TTC34: variants seen among roughly 807,000 people sequenced by gnomAD.
The protein encoded by TTC34 is tetratricopeptide repeat domain 34.
In TTC34, 44 loss-of-function variants were observed where a neutral mutation model predicts 40.7. The ratio of observed to expected loss-of-function variants is 1.08; its 90% CI spans 0.85 to 1.39. TTC34 has a LOEUF of 1.39. TTC34 is among the 40% of genes most tolerant of loss of function. The pLI is 0.00. For missense variants in TTC34, 884 were observed against 838.0 expected, an observed-to-expected ratio of 1.05 and a Z score of -0.68; for synonymous variants, 422 against 398.6, an observed-to-expected ratio of 1.06 and a Z score of -0.70.
At chr1:2,677,943 G>C (rs1450259709) in intron 6 of TTC34, among the ~76,000 whole-genome samples, 2 of 41,868 alleles carry the variant, frequency 4.8e-5, no homozygotes, top group Admixed American at 2.8e-4. Context: ...CCCCAGGTGA[G>C]CATCCGACAG....
chr1:2,682,089 C>A (rs1426247535), intron 6 of TTC34, among the ~76,000 whole-genome samples: 4 of 134,544 alleles, frequency 3.0e-5, no homozygotes, highest in African/African-American at 8.6e-5. Context: ...ATCTGACAGC[C>A]TGGAGCAGCA....
chr1:2,794,855 T>A (rs1352466244), intron 2 of TTC34, among the ~76,000 whole-genome samples: 1 of 152,234 alleles, frequency 6.6e-6, no homozygotes, highest in Non-Finnish European at 1.5e-5. Context: ...GATAATATGT[T>A]CTTTATTCCA....
rs372202070 is a variant in TTC34 at position 2,696,374 on chromosome 1, G to C, written c.2227-50811C>G. Among the ~76,000 whole-genome samples the C allele has an allele frequency of 6.2e-3, 808 of 129,812 alleles. 68 individuals are homozygous for C. The highest frequency in any genetic ancestry group is 0.012 in the Middle Eastern group (3 of 252). The allele number at this position is 129,812 out of a possible 152,430, so 85.2% of individuals were successfully genotyped here. ...CACCCACACCCCCAGGCGAGGATCGGACAGCCTGGAGCAGCACCCTACACC... is the reference window on the plus strand; with the variant it reads ...CACCCACACCCCCAGGCGAGGATCGCACAGCCTGGAGCAGCACCCTACACC... On this transcript the variant is annotated intron_variant, in intron 6 of 8. Coordinates refer to ENST00000401095, the Ensembl canonical transcript of TTC34.
At chr1:2,646,535 C>G in intron 6 of TTC34, among the ~76,000 whole-genome samples, 1 of 152,148 alleles carries the variant, frequency 6.6e-6, no homozygotes, top group East Asian at 1.9e-4. Flanking sequence ...CAGGCACATG[C>G]CACCACACCC....
chr1:2,759,283 GCGAGCATC>G (rs1641611428), intron 6 of TTC34, among the ~76,000 whole-genome samples: 1 of 128,078 alleles, frequency 7.8e-6, no homozygotes. Context: ...ACACCCCCAG[GCGAGCATC>G]TGACGTCCTG....
At chr1:2,698,300 GT>G (rs1640962031) in intron 6 of TTC34, among the ~76,000 whole-genome samples, 1 of 52,952 alleles carries the variant, frequency 1.9e-5, no homozygotes, top group Non-Finnish European at 4.9e-5. Context: ...CGGTGCGCAC[GT>G]GACAGCCTGG....
chr1:2,687,703 G>C, intron 6 of TTC34, among the ~76,000 whole-genome samples: 1 of 151,266 alleles, frequency 6.6e-6, no homozygotes, highest in African/African-American at 2.5e-5. Context: ...TTGAGCATCT[G>C]ACAGCCGGGA....
chr1:2,652,094 G>A (rs1240614884), intron 6 of TTC34, among the ~76,000 whole-genome samples: 8 of 88,070 alleles, frequency 9.1e-5, no homozygotes, highest in Non-Finnish European at 1.6e-4. Context: ...CCCCAGGTGA[G>A]CATCTGACAG....
chr1:2,759,951 G>GCACCCT (rs1641640454), intron 6 of TTC34, among the ~76,000 whole-genome samples: 4 of 75,626 alleles, frequency 5.3e-5, no homozygotes, highest in Admixed American at 2.6e-4. Context: ...AGCCTGGAAA[G>GCACCCT]GCACCCACAC....
intron 6 of TTC34, among the ~76,000 whole-genome samples, chr1:2,751,101 C>G (rs1407698011): frequency 1.0e-5 from 1 of 98,946 alleles, no homozygotes; most frequent in Non-Finnish European, 1.9e-5. Flanking sequence ...AGCTGAGCCT[C>G]TGACAGCCTG....
At chr1:2,692,467 C>A (rs1347075215) in intron 6 of TTC34, among the ~76,000 whole-genome samples, 3 of 53,208 alleles carry the variant, frequency 5.6e-5, no homozygotes, top group Non-Finnish European at 9.6e-5. Context: ...CCCACACCCC[C>A]AGGTGAGCAT....
intron 6 of TTC34, among the ~76,000 whole-genome samples, chr1:2,688,101 C>A (rs1023365897): frequency 6.7e-6 from 1 of 149,460 alleles, no homozygotes; most frequent in African/African-American, 2.5e-5. Flanking sequence ...CAGGTGCGCA[C>A]GTGACAGCCT....
intron 6 of TTC34, among the ~76,000 whole-genome samples, chr1:2,778,139 G>T (rs1643365319): frequency 6.6e-6 from 1 of 152,234 alleles, no homozygotes. Flanking sequence ...AGCCTGCCCT[G>T]CAGCAGCAAG....
rs1238996880 is a variant in TTC34 at position 2,796,683 on chromosome 1, T to A, written c.784+3361A>T. ...GGCCCCCTCCCTCCTGGAGCCCCCT[T>A]GCTGTGGGCATGGTCCTCACCAGCC... On this transcript the variant is annotated intron_variant, in intron 2 of 8. Coordinates refer to ENST00000401095, the Ensembl canonical transcript of TTC34. This position sits in a 1 kb window ranked among gnomAD's most constrained non-coding sequence, Gnocchi z 4.5. 1.3e-5 allele frequency among the ~76,000 whole-genome samples: 2 copies of A among 152,138 alleles called. No homozygotes were observed. The highest frequency in any genetic ancestry group is 4.8e-5 in the African/African-American group (2 of 41,440).
chr1:2,767,456 C>G (rs1641802985), intron 6 of TTC34, among the ~76,000 whole-genome samples: 2 of 148,460 alleles, frequency 1.3e-5, no homozygotes, highest in African/African-American at 5.0e-5. Context: ...AGGTGAGCAT[C>G]CGACAGCCTG....
Position 2,796,110 on chromosome 1 carries a change from G to A in TTC34, c.784+3934C>T, listed in dbSNP as rs1237744747. On this transcript the variant is annotated intron_variant, in intron 2 of 8. Coordinates refer to ENST00000401095, the Ensembl canonical transcript of TTC34. The surrounding 1 kb of genome is among the most constrained non-coding windows in gnomAD (Gnocchi z 4.5). Reference sequence around the variant, plus strand: ...CAAGTGAGGATGCAGCATTCAAGGCGCCATCTTGGAATCCGAATCCCCAAG... The same window carrying A: ...CAAGTGAGGATGCAGCATTCAAGGCACCATCTTGGAATCCGAATCCCCAAG... 1.3e-5 allele frequency among the ~76,000 whole-genome samples: 2 copies of A among 152,188 alleles called. No homozygotes were observed. Among genetic ancestry groups the A allele is most frequent in the South Asian group, 2.1e-4 (1 of 4,834 alleles).
intron 6 of TTC34, among the ~76,000 whole-genome samples, chr1:2,687,727 C>G (rs1316952823): frequency 1.3e-5 from 2 of 149,696 alleles, no homozygotes; most frequent in East Asian, 3.9e-4. Context: ...GCACCCACAC[C>G]CCCAGGTGAA....
chr1:2,783,562 T>TC, intron 6 of TTC34, 47 bp downstream of exon 6: 1 of 1,321,304 alleles, frequency 7.6e-7, no homozygotes, highest in Non-Finnish European at 9.8e-7. Flanking sequence ...GCTCCCTGGG[T>TC]CCCCCACCCG....
At chr1:2,788,829 C>T (rs1326276253) in intron 3 of TTC34, among the ~76,000 whole-genome samples, 1 of 152,172 alleles carries the variant, frequency 6.6e-6, no homozygotes, top group African/African-American at 2.4e-5. Context: ...CGCGGTGGCT[C>T]ACCTGGAATC....
Sources: gnomAD v4.1 joint callset for allele counts (sites outside exome capture counted in the v4.1 genomes callset) on GRCh38, gnomAD v4.1.1 for gene constraint, Gnocchi (gnomAD v3.1) non-coding constraint, MANE v1.5 for transcripts, NCBI Gene and HGNC (gene_info 2026-07-23, HGNC 2026-07-21) for gene names.